Variants in CD244 observed in about 807,000 individuals in gnomAD.
The protein encoded by CD244 is CD244 molecule.
CD244 carries 20 observed loss-of-function variants against 45.5 expected under a neutral mutation model. The ratio of observed to expected loss-of-function variants is 0.44; its 90% CI spans 0.31 to 0.64. The LOEUF (loss-of-function observed/expected upper bound fraction) is 0.64, where lower values mean the gene tolerates loss of function less well. Ranked by LOEUF, CD244 falls within the 30% of genes least tolerant of loss-of-function variation. The pLI is 0.08. For synonymous variants in CD244, 185 were observed against 160.5 expected, an observed-to-expected ratio of 1.15 and a Z score of -1.15; for missense variants, 407 against 426.9, an observed-to-expected ratio of 0.95 and a Z score of 0.41.
chr1:160,842,311 G>A (rs774342966), intron 1 of CD244, among the ~76,000 whole-genome samples: 5 of 152,136 alleles, frequency 3.3e-5, no homozygotes, highest in Non-Finnish European at 5.9e-5. Flanking sequence ...GTGCAGTGGC[G>A]CAATCACAGC....
intron 1 of CD244, among the ~76,000 whole-genome samples, chr1:160,850,765 C>T (rs899625187): frequency 6.6e-6 from 1 of 152,138 alleles, no homozygotes; most frequent in Non-Finnish European, 1.5e-5. Flanking sequence ...ACGTGCCAAG[C>T]AAGCAATCAG....
intron 6 of CD244, among the ~76,000 whole-genome samples, chr1:160,834,992 A>G (rs1015712989): frequency 1.1e-4 from 16 of 152,368 alleles, no homozygotes; most frequent in Non-Finnish European, 2.4e-4. Flanking sequence ...TTGGAGTTCA[A>G]TGTGGCTGAA....
intron 5 of CD244, among the ~76,000 whole-genome samples, chr1:160,836,776 G>T (rs1669349407): frequency 6.6e-6 from 1 of 152,078 alleles, no homozygotes; most frequent in South Asian, 2.1e-4. Context: ...CCCTTTTCTT[G>T]TTCCTACCCC....
In CD244 at chr1:160,831,203, C is replaced by A; in HGVS notation, c.*144G>T. 1 of 656,320 alleles carries A rather than the reference C, an allele frequency of 1.5e-6. No individual in the cohort carries two copies. Among genetic ancestry groups the A allele is most frequent in the Non-Finnish European group, 2.7e-6 (1 of 366,100 alleles). 40.7% of individuals were successfully genotyped at this position (656,320 alleles called of 1,614,324 possible). A position where few individuals can be genotyped will look rare whatever the true frequency, so the allele number is the denominator to read the frequency against. On this transcript the variant is annotated 3_prime_UTR_variant, in exon 9 of 9. Transcript: ENST00000368034. ...TATCATGGTTGTTAGACATCATTTT[C>A]AAAACAAAATATAGAACAAGAACAA... is the stretch of plus-strand genomic sequence containing the variant.
chr1:160,833,589 G>A (rs562085337), intron 7 of CD244, among the ~76,000 whole-genome samples: 2 of 152,328 alleles, frequency 1.3e-5, no homozygotes, highest in South Asian at 4.1e-4. Context: ...ACCAGCAGGT[G>A]ACTGACTGGC....
intron 3 of CD244, 41 bp from the exon 4 acceptor site, chr1:160,839,090 G>T: frequency 1.4e-6 from 2 of 1,443,260 alleles, no homozygotes; most frequent in South Asian, 1.2e-5. Flanking sequence ...CTGTCAGCTC[G>T]CTCTCTTCTT....
chr1:160,853,782 T>C (rs1391622261), intron 1 of CD244, among the ~76,000 whole-genome samples: 4 of 94,738 alleles, frequency 4.2e-5, no homozygotes, highest in East Asian at 2.7e-4. Flanking sequence ...AGACCCTGCC[T>C]AAAAAAAAAA....
chr1:160,841,610 G>T lies in CD244; in HGVS notation c.353C>A (p.Thr118Lys), dbSNP rs764302616. The T allele has an allele frequency of 6.2e-7, 1 of 1,614,086 alleles. No homozygotes were observed. Among genetic ancestry groups the T allele is most frequent in the Non-Finnish European group, 8.5e-7 (1 of 1,180,052 alleles). Reference sequence around the variant, plus strand: ...AAATACAAAAACCTGGAACGTGGCTGTCTGAACTTTTCCAGATATACTGGT... The same window carrying T: ...AAATACAAAAACCTGGAACGTGGCTTTCTGAACTTTTCCAGATATACTGGT... ...EVTSISGKVQ[T>K]ATFQVFVFDK... The change falls in exon 2 of 9, where the codon ACA (threonine) becomes AAA (lysine). Residue 118 changes from threonine to lysine, a missense_variant. By Grantham distance (78) the Thr-to-Lys change is moderately conservative. Transcript: ENST00000368034.
chr1:160,842,860 G>GTACAA (rs1388529102), intron 1 of CD244, among the ~76,000 whole-genome samples: 1 of 152,184 alleles, frequency 6.6e-6, no homozygotes, highest in East Asian at 1.9e-4. Flanking sequence ...TGCAGTCAGT[G>GTACAA]TACAAAACTG....
chr1:160,841,078 C>T, intron 3 of CD244, 132 bp downstream of exon 3: 1 of 848,658 alleles, frequency 1.2e-6, no homozygotes, highest in Non-Finnish European at 1.9e-6. Context: ...CAGGGCTACC[C>T]TGGGAAGGGC....
At chr1:160,843,296 A>G (rs1669612595) in intron 1 of CD244, among the ~76,000 whole-genome samples, 1 of 152,244 alleles carries the variant, frequency 6.6e-6, no homozygotes, top group Non-Finnish European at 1.5e-5. Flanking sequence ...TCTCAAAAGC[A>G]GAGACTGTGC....
chr1:160,856,562 T>C (rs113473959), intron 1 of CD244, among the ~76,000 whole-genome samples: 2,635 of 152,328 alleles, frequency 0.017, 34 homozygotes, highest in South Asian at 0.035. Context: ...GGAATCTTCA[T>C]CTTCTTAGCT....
At chr1:160,839,089 C>CA in intron 3 of CD244, 40 bp from the exon 4 acceptor site, 3 of 1,458,224 alleles carry the variant, frequency 2.1e-6, no homozygotes, top group Non-Finnish European at 2.9e-6. Context: ...GCTGTCAGCT[C>CA]GCTCTCTTCT....
rs1417279134 is a variant in CD244, at chr1:160,833,949, GAAC to G, written c.960+99_960+101del. On this transcript the variant is annotated intron_variant, in intron 7 of 8. Transcript: ENST00000368034. ...AAGCTACTCAGATACACACAATAAA[GAAC>G]AACTTGCCAGGATGTGCACACACAC... 2.0e-5 allele frequency: 16 copies of G among 814,384 alleles called. No individual in the cohort carries two copies. In the East Asian group the frequency reaches 4.0e-4, roughly 20 times the overall value. The allele number at this position is 814,384 out of a possible 1,614,324, so 50.4% of individuals were successfully genotyped here. A position where few individuals can be genotyped will look rare whatever the true frequency, so the allele number is the denominator to read the frequency against.
At chr1:160,854,517 G>A (rs1006300268) in intron 1 of CD244, among the ~76,000 whole-genome samples, 24 of 151,644 alleles carry the variant, frequency 1.6e-4, no homozygotes, top group Non-Finnish European at 2.4e-4. Flanking sequence ...TGAGTAACTG[G>A]GACTACAGGT....
At chr1:160,852,355 G>A (rs1438782243) in intron 1 of CD244, among the ~76,000 whole-genome samples, 5 of 152,126 alleles carry the variant, frequency 3.3e-5, no homozygotes, top group Non-Finnish European at 7.4e-5. Context: ...TTCGAGGCCA[G>A]CCTGGCCAAC....
intron 1 of CD244, chr1:160,848,326 C>A (rs1052955620): frequency 3.4e-6 from 2 of 593,184 alleles, no homozygotes; most frequent in Admixed American, 3.8e-5. Flanking sequence ...CTGGACCCAA[C>A]ACAAATAGTT....
At chr1:160,844,477 G>C (rs1226580016) in intron 1 of CD244, among the ~76,000 whole-genome samples, 2 of 152,158 alleles carry the variant, frequency 1.3e-5, no homozygotes, top group African/African-American at 2.4e-5. Context: ...CTGTCTCTTG[G>C]AACTGGGCTG....
intron 1 of CD244, among the ~76,000 whole-genome samples, chr1:160,849,177 C>T (rs753275211): frequency 1.3e-5 from 2 of 151,868 alleles, no homozygotes; most frequent in Non-Finnish European, 2.9e-5. Flanking sequence ...TCACAGAAGT[C>T]TTCTATGTTG....
Sources: gnomAD v4.1 joint callset for allele counts (sites outside exome capture counted in the v4.1 genomes callset) on GRCh38, gnomAD v4.1.1 for gene constraint, MANE v1.5 for transcripts, NCBI Gene and HGNC (gene_info 2026-07-23, HGNC 2026-07-21) for gene names.